WDR1: variants seen among roughly 807,000 people sequenced by gnomAD.
WDR1 encodes WD repeat domain 1.
WDR1 carries 21 observed loss-of-function variants against 71.9 expected under a neutral mutation model. The observed-to-expected ratio is 0.29, with a 90% CI of 0.21 to 0.42. The LOEUF is 0.42. Among genes scored for constraint, WDR1 ranks in the 10% least tolerant of loss-of-function variants. The pLI, the probability that WDR1 is intolerant of heterozygous loss-of-function variation, is 1.00. For missense variants in WDR1, 696 were observed against 824.5 expected, an observed-to-expected ratio of 0.84 and a Z score of 1.91; for synonymous variants, 424 against 347.4, an observed-to-expected ratio of 1.22 and a Z score of -2.45.
Position 10,075,706 on chromosome 4 carries a change from C to T in WDR1, c.1715-222G>A, listed in dbSNP as rs1764773828. 5.6e-5 allele frequency: 33 copies of T among 586,958 alleles called. No individual in the cohort carries two copies. In the South Asian group the frequency reaches 6.6e-4, roughly 12 times the overall value. The allele number at this position is 586,958 out of a possible 1,614,324, so 36.4% of individuals were successfully genotyped here. A position where few individuals can be genotyped will look rare whatever the true frequency, so the allele number is the denominator to read the frequency against. On this transcript the variant is annotated intron_variant, in intron 14 of 14. Transcript: ENST00000499869. ...CCGGGTACCTCTTTTTTGTGTGCTG[C>T]AGGGTAATTAGCAGCATCCCTGGCT...
intron 1 of WDR1, 58 bp downstream of exon 1, chr4:10,116,593 G>C: frequency 8.7e-7 from 1 of 1,155,700 alleles, no homozygotes; most frequent in Non-Finnish European, 1.1e-6. Context: ...CTAGGGGCCG[G>C]GGACCGGGGC....
At chr4:10,102,601 T>C (rs1391952908) in intron 3 of WDR1, among the ~76,000 whole-genome samples, 1 of 152,160 alleles carries the variant, frequency 6.6e-6, no homozygotes, top group Non-Finnish European at 1.5e-5. Context: ...CCCCAAGAAC[T>C]ATGAGCCAAT....
chr4:10,075,193 T>C lies in WDR1; in HGVS notation c.*185A>G, dbSNP rs912539778. The C allele has an allele frequency of 1.0e-5, 6 of 591,368 alleles. No homozygotes were observed. The highest frequency in any genetic ancestry group is 1.8e-5 in the Non-Finnish European group (6 of 331,028). The allele number at this position is 591,368 out of a possible 1,614,324, so 36.6% of individuals were successfully genotyped here. On this transcript the variant is annotated 3_prime_UTR_variant, in exon 15 of 15. Transcript: ENST00000499869. ...ATTTTTCATGTGCAAACTGTTACTG[T>C]CTAAAGCTTTCAGAAGAACGTGTAC...
rs774658481 is a variant in WDR1 at position 10,083,123 on chromosome 4, C to T, written c.1095G>A (p.Thr365=). ...ENDSFAGKGH[T]NQVSRMTVDE... is the part of the protein sequence containing the mutation. ...CCACGGTCATCCTGGACACCTGGTT[C>T]GTGTGGCCTTTCCCAGCGAAGGAGT... Residue 365 remains threonine, a synonymous_variant, in exon 10 of 15, where the codon ACG becomes ACA. Coordinates refer to ENST00000499869, the MANE Select transcript of WDR1 (RefSeq NM_017491.5). 9.3e-6 allele frequency: 15 copies of T among 1,613,834 alleles called. No homozygotes were observed. Among genetic ancestry groups the T allele is most frequent in the African/African-American group, 4.0e-5 (3 of 74,920 alleles).
chr4:10,116,572 C>A (rs1049862136), intron 1 of WDR1, 79 bp downstream of exon 1: 2 of 1,085,488 alleles, frequency 1.8e-6, no homozygotes, highest in East Asian at 9.6e-5. Context: ...CCCCCGCCAC[C>A]CGCACGGCGC....
At chr4:10,086,277 T>A (rs1488096718) in intron 8 of WDR1, among the ~76,000 whole-genome samples, 2 of 152,176 alleles carry the variant, frequency 1.3e-5, no homozygotes, top group African/African-American at 4.8e-5. Flanking sequence ...TTTATACTCA[T>A]CACCCTGGGC....
At chr4:10,102,917 AG>A (rs1712767202) in intron 3 of WDR1, among the ~76,000 whole-genome samples, 1 of 107,152 alleles carries the variant, frequency 9.3e-6, no homozygotes, top group Admixed American at 9.5e-5. Flanking sequence ...CAAGGCAGGC[AG>A]TAAGTATCTG....
intron 9 of WDR1, chr4:10,083,626 C>A (rs747578727): frequency 6.2e-6 from 3 of 485,314 alleles, no homozygotes; most frequent in Admixed American, 4.3e-5. Context: ...GCTGTCCACA[C>A]AAAAGGCAGT....
Position 10,081,369 on chromosome 4 carries a change from C to T in WDR1, c.1272G>A (p.Val424=). ...GCCAGGTCCCTACCTGTCCAATGCA[C>T]ACGACCACGGCGTATCCCCCGGGGC... ...AVGPGGYAVV[V]CIGQIVLLKD... The change falls in exon 11 of 15, where the codon GTG becomes GTA. Residue 424 remains valine (V), a synonymous_variant. Coordinates refer to ENST00000499869, the MANE Select transcript of WDR1 (RefSeq NM_017491.5). 3.1e-6 allele frequency: 5 copies of T among 1,613,956 alleles called. No individual in the cohort carries two copies. Among genetic ancestry groups the T allele is most frequent in the Non-Finnish European group, 4.2e-6 (5 of 1,179,882 alleles).
At chr4:10,097,913 G>GAGA in intron 4 of WDR1, 22 bp from the exon 5 acceptor site, 1 of 1,219,218 alleles carries the variant, frequency 8.2e-7, no homozygotes. Flanking sequence ...GACACAGGTG[G>GAGA]AAGACAAAAA....
intron 9 of WDR1, chr4:10,083,731 C>G (rs1031577374): frequency 1.2e-4 from 57 of 456,326 alleles, no homozygotes; most frequent in African/African-American, 1.1e-3. Flanking sequence ...CCCAGGCACT[C>G]TGCAGATGGT....
intron 8 of WDR1, among the ~76,000 whole-genome samples, chr4:10,085,624 G>C (rs190291738): frequency 6.6e-6 from 1 of 152,358 alleles, no homozygotes. Flanking sequence ...TCAATGCCTT[G>C]AACTTACCAG....
At chr4:10,088,442 G>A in intron 6 of WDR1, 69 bp from the exon 7 acceptor site, 2 of 1,440,162 alleles carry the variant, frequency 1.4e-6, no homozygotes, top group South Asian at 1.2e-5. Flanking sequence ...GTTTCTCCAT[G>A]GACTGTGGCT....
chr4:10,114,522 G>T (rs993944540), intron 2 of WDR1, among the ~76,000 whole-genome samples: 3 of 152,234 alleles, frequency 2.0e-5, no homozygotes, highest in African/African-American at 7.2e-5. Flanking sequence ...CCCCTCCCTG[G>T]AAGTCAATGT....
chr4:10,098,928 TCATAGCA>T lies in WDR1; in HGVS notation c.377+57_377+63del, dbSNP rs140772303. 2,076 of 1,604,424 alleles carry T rather than the reference TCATAGCA, an allele frequency of 1.3e-3. 49 individuals carry two copies. In the East Asian group the frequency reaches 0.04, roughly 31 times the overall value. ...ACATCAGCGCATCCCCCTCCCAGGG[TCATAGCA>T]CATGGACGCATGAGCCACAGCAACA... On this transcript the variant is annotated intron_variant, in intron 4 of 14. Transcript: ENST00000499869.
chr4:10,104,849 C>T (rs545913151), intron 2 of WDR1, among the ~76,000 whole-genome samples: 33 of 152,280 alleles, frequency 2.2e-4, no homozygotes, highest in African/African-American at 7.7e-4. Flanking sequence ...GGCAGCTTCC[C>T]GCCAGCTTGA....
At chr4:10,116,490 G>A (rs1224990182) in intron 1 of WDR1, 161 bp downstream of exon 1, 4 of 634,542 alleles carry the variant, frequency 6.3e-6, no homozygotes, top group African/African-American at 5.9e-5. Flanking sequence ...CGGGGGTCCC[G>A]CCCTGCACCA....
chr4:10,095,091 G>T (rs1188315258), intron 5 of WDR1, among the ~76,000 whole-genome samples: 3 of 152,228 alleles, frequency 2.0e-5, no homozygotes, highest in Admixed American at 1.3e-4. Context: ...AGTGGGTGCA[G>T]AAGGCGCAGA....
Position 10,078,891 on chromosome 4 carries a change from C to T in WDR1, c.1395G>A (p.Val465=), listed in dbSNP as rs1269311976. 6.2e-7 allele frequency: 1 copy of T among 1,612,094 alleles called. No homozygotes were observed. The highest frequency in any genetic ancestry group is 8.5e-7 in the Non-Finnish European group (1 of 1,178,924). ...PGGDTVAIGG[V]DGNVRLYSIL... The stretch of plus-strand genomic sequence containing the variant: ...CACGGGGGAGAGGAAAGCGACTTAC[C>T]ACACCCCCAATTGCCACCGTGTCCC... Residue 465 remains valine (V), a splice_region_variant and synonymous_variant, in exon 12 of 15, where the codon GTG becomes GTA. Transcript: ENST00000499869.
Sources: gnomAD v4.1 joint callset for allele counts (sites outside exome capture counted in the v4.1 genomes callset) on GRCh38, gnomAD v4.1.1 for gene constraint, MANE v1.5 for transcripts, NCBI Gene and HGNC (gene_info 2026-07-23, HGNC 2026-07-21) for gene names.